ITSN2: variants seen among roughly 807,000 people sequenced by gnomAD.
ITSN2 encodes the protein intersectin 2.
Under a neutral mutation model 243.7 loss-of-function variants are expected in ITSN2, and 156 were observed. That is an observed-to-expected ratio of 0.64 (90% CI 0.56 to 0.73). The LOEUF is 0.73. Ranked by LOEUF, ITSN2 falls within the 30% of genes least tolerant of loss-of-function variation. The pLI is 0.00. For synonymous variants in ITSN2, 703 were observed against 699.9 expected (o/e 1.00, Z -0.07); for missense variants, 1,801 against 1,996.1 (o/e 0.90, Z 1.86).
At chr2:24,328,307 G>A (rs1057452335) in intron 1 of ITSN2, among the ~76,000 whole-genome samples, 192 bp from the exon 2 acceptor site, 6 of 152,074 alleles carry the variant, frequency 3.9e-5, no homozygotes, top group Non-Finnish European at 5.9e-5. Flanking sequence ...TTGGGTAATC[G>A]TGCTGCCTTA....
rs1476967377 is a variant in ITSN2 at position 24,216,086 on chromosome 2, T to C, written c.3953A>G (p.Lys1318Arg). The C allele has an allele frequency of 6.2e-7, 1 of 1,609,342 alleles. No individual in the cohort carries two copies. The change falls in exon 32 of 40, where the codon AAG becomes AGG. Residue 1318 changes from lysine to arginine, a missense_variant. Lys to Arg is a conservative substitution (Grantham distance 26, BLOSUM62 2). Around this residue, in one of 5 missense-constraint regions of ITSN2, gnomAD observed 928 missense variants for 1,065.4 expected, o/e 0.87. Coordinates refer to ENST00000355123, the MANE Select transcript of ITSN2 (RefSeq NM_006277.3). The part of the protein sequence containing the change: ...QLNGAALLQQ[K>R]TDEDTDFKEF... Reference sequence around the variant, plus strand: ...TTTGAAATCTGTGTCTTCATCTGTCTTCTGCTGTAACAGAGCTGCTCCATT... The same window carrying C: ...TTTGAAATCTGTGTCTTCATCTGTCCTCTGCTGTAACAGAGCTGCTCCATT...
intron 2 of ITSN2, among the ~76,000 whole-genome samples, chr2:24,325,691 C>A (rs185118941): frequency 9.6e-4 from 146 of 152,248 alleles, no homozygotes; most frequent in African/African-American, 3.4e-3. Context: ...ATGTAATAAT[C>A]GTGTTAGAAA....
At chr2:24,214,519 A>C (rs1669785626) in intron 32 of ITSN2, 1 of 152,126 alleles carries the variant, frequency 6.6e-6, no homozygotes. Context: ...GCCAGTTTTC[A>C]AGTTTTAATA....
intron 5 of ITSN2, chr2:24,311,662 C>T (rs1324135676): frequency 6.0e-6 from 1 of 167,000 alleles, no homozygotes; most frequent in African/African-American, 2.4e-5. Context: ...TAAGAAATTG[C>T]CTGATCAAAA....
chr2:24,222,048 C>G (rs139360094), intron 29 of ITSN2, among the ~76,000 whole-genome samples: 2,377 of 152,090 alleles, frequency 0.016, 30 homozygotes, highest in Non-Finnish European at 0.025. Context: ...GTCAGGAGAT[C>G]GAGACCATCC....
chr2:24,300,173 T>C lies in ITSN2; in HGVS notation c.1082-2A>G. On this transcript the variant is annotated splice_acceptor_variant, in intron 11 of 39. Transcript: ENST00000355123. LOFTEE classifies it high-confidence loss of function. ...CTTTCCGTTTGTCCTCAAAAGTAAC[T>C]GAACAAGGTATGCCTATCAGCATCC... is the stretch of plus-strand genomic sequence containing the variant. 1 of 1,614,118 alleles carries C rather than the reference T, an allele frequency of 6.2e-7. No individual in the cohort carries two copies. Among genetic ancestry groups the C allele is most frequent in the East Asian group, 2.2e-5 (1 of 44,888 alleles).
chr2:24,214,141 A>AT (rs1182720359), intron 32 of ITSN2, among the ~76,000 whole-genome samples: 1 of 152,212 alleles, frequency 6.6e-6, no homozygotes, highest in Non-Finnish European at 1.5e-5. Flanking sequence ...GCCTCCTGAG[A>AT]TAATCCTATT....
At chr2:24,214,281 C>A (rs544218564) in intron 32 of ITSN2, 2 of 152,110 alleles carry the variant, frequency 1.3e-5, no homozygotes, top group South Asian at 4.1e-4. Context: ...ATCATGGCTA[C>A]TTTTGCTTTA....
chr2:24,258,011 T>G lies in ITSN2; in HGVS notation c.2765A>C (p.His922Pro). Reference protein sequence around the residue: ...KKDNHLNFSKHDIITVLEQQE... With the variant: ...KKDNHLNFSKPDIITVLEQQE... The stretch of plus-strand genomic sequence containing the variant: ...CTGCTCCAAGACAGTAATAATGTCA[T>G]GTTTTGAGAAGTTCAAGTGGTTATC... Residue 922 changes from histidine to proline, a missense_variant, in exon 23 of 40, where the codon CAT becomes CCT. Coordinates refer to ENST00000355123, the MANE Select transcript of ITSN2 (RefSeq NM_006277.3). 2 of 1,614,108 alleles carry G rather than the reference T, an allele frequency of 1.2e-6. No individual in the cohort carries two copies. Among genetic ancestry groups the G allele is most frequent in the Non-Finnish European group, 1.7e-6 (2 of 1,179,954 alleles).
At chr2:24,338,636 T>C (rs1168082270) in intron 1 of ITSN2, among the ~76,000 whole-genome samples, 1 of 152,228 alleles carries the variant, frequency 6.6e-6, no homozygotes, top group East Asian at 1.9e-4. Flanking sequence ...TCTCCACCTA[T>C]GCATTCATTC....
chr2:24,261,311 C>T, intron 21 of ITSN2, 61 bp from the exon 22 acceptor site: 2 of 1,237,296 alleles, frequency 1.6e-6, no homozygotes, highest in South Asian at 2.8e-5. Context: ...TGAAGTACTA[C>T]CAATTTATCA....
At chr2:24,333,758 TCA>T (rs563884678) in intron 1 of ITSN2, among the ~76,000 whole-genome samples, 44 of 152,186 alleles carry the variant, frequency 2.9e-4, no homozygotes, top group African/African-American at 1.0e-3. Context: ...GAAAATATAC[TCA>T]CACTAAGACA....
intron 27 of ITSN2, among the ~76,000 whole-genome samples, chr2:24,248,017 A>G (rs1284511058): frequency 6.6e-6 from 1 of 152,202 alleles, no homozygotes; most frequent in Non-Finnish European, 1.5e-5. Flanking sequence ...TCACTCATAT[A>G]AAAATATAGC....
intron 9 of ITSN2, 69 bp from the exon 10 acceptor site, chr2:24,302,171 A>G: frequency 1.1e-6 from 1 of 942,426 alleles, no homozygotes; most frequent in East Asian, 3.1e-5. Flanking sequence ...TTAAAAGTTC[A>G]ATTTTTATTT....
intron 9 of ITSN2, among the ~76,000 whole-genome samples, chr2:24,303,549 A>G (rs1392091330): frequency 1.3e-5 from 2 of 152,276 alleles, no homozygotes; most frequent in East Asian, 3.8e-4. Context: ...AAGTTATTGT[A>G]TGCCAAGATT....
intron 30 of ITSN2, among the ~76,000 whole-genome samples, chr2:24,218,677 T>C (rs934967367): frequency 6.6e-6 from 1 of 152,132 alleles, no homozygotes; most frequent in South Asian, 2.1e-4. Flanking sequence ...TTATTACCAA[T>C]TGACCTATGA....
intron 1 of ITSN2, among the ~76,000 whole-genome samples, chr2:24,329,163 G>A (rs773083506): frequency 6.6e-6 from 1 of 152,226 alleles, no homozygotes; most frequent in Non-Finnish European, 1.5e-5. Flanking sequence ...ACCAGAAAAG[G>A]AGAGTGCAGT....
chr2:24,317,439 T>C (rs1684070129), intron 2 of ITSN2, among the ~76,000 whole-genome samples: 1 of 151,372 alleles, frequency 6.6e-6, no homozygotes, highest in South Asian at 2.1e-4. Flanking sequence ...TTATGCACAT[T>C]CCACTGCTTA....
intron 29 of ITSN2, chr2:24,238,946 C>A (rs1672453305): frequency 6.6e-6 from 1 of 152,114 alleles, no homozygotes; most frequent in African/African-American, 2.4e-5. Context: ...AGTTTGTGTT[C>A]TTTTAATAAA....
Sources: gnomAD v4.1 joint callset for allele counts (sites outside exome capture counted in the v4.1 genomes callset) on GRCh38, gnomAD v4.1.1 for gene constraint, gnomAD v4.1.1 regional missense constraint, MANE v1.5 for transcripts, NCBI Gene and HGNC (gene_info 2026-07-23, HGNC 2026-07-21) for gene names.